Variants in COL23A1 observed in about 807,000 individuals in gnomAD.
COL23A1 encodes collagen type XXIII alpha 1 chain.
In COL23A1, 97 loss-of-function variants were observed where a neutral mutation model predicts 99.3. That is an observed-to-expected ratio of 0.98 (90% CI 0.83 to 1.16). COL23A1 has a LOEUF of 1.16. Among genes scored for constraint, COL23A1 ranks in the 50% most tolerant of loss-of-function variants. The probability of loss-of-function intolerance (pLI) is 0.00; values close to 1 mark genes in which losing one functional copy is unlikely to be tolerated. For missense variants in COL23A1, 762 were observed against 757.4 expected, an observed-to-expected ratio of 1.01 and a Z score of -0.07; for synonymous variants, 320 against 308.2, an observed-to-expected ratio of 1.04 and a Z score of -0.40.
intron 2 of COL23A1, chr5:178,352,010 G>C (rs1258849701): frequency 6.6e-6 from 1 of 152,256 alleles, no homozygotes; most frequent in Non-Finnish European, 1.5e-5. Flanking sequence ...CCAGCCTCCA[G>C]AACTTCGAGA....
intron 2 of COL23A1, chr5:178,351,287 C>G (rs1439179771): frequency 6.6e-6 from 1 of 152,524 alleles, no homozygotes; most frequent in African/African-American, 2.4e-5. Flanking sequence ...GGCTCAGCCT[C>G]CCGTGCTGGC....
At chr5:178,346,415 T>C (rs1003865389) in intron 2 of COL23A1, among the ~76,000 whole-genome samples, 1 of 152,100 alleles carries the variant, frequency 6.6e-6, no homozygotes, top group Non-Finnish European at 1.5e-5. Context: ...TTTGTATTTT[T>C]AGTACAGGTG....
intron 5 of COL23A1, among the ~76,000 whole-genome samples, chr5:178,270,622 G>A (rs1308280089): frequency 2.0e-5 from 3 of 152,198 alleles, no homozygotes; most frequent in African/African-American, 7.2e-5. Context: ...GGGTCTGGGT[G>A]GGCTGCTGGG....
intron 25 of COL23A1, among the ~76,000 whole-genome samples, chr5:178,244,043 G>T (rs753632498): frequency 6.6e-6 from 1 of 152,122 alleles, no homozygotes; most frequent in Non-Finnish European, 1.5e-5. Flanking sequence ...ACAGTGGCAC[G>T]ATCTCAGCTC....
chr5:178,245,495 A>C (rs1311089582), intron 25 of COL23A1, among the ~76,000 whole-genome samples: 1 of 142,370 alleles, frequency 7.0e-6, no homozygotes, highest in Non-Finnish European at 1.5e-5. Flanking sequence ...TTCATCATCC[A>C]CCCACCCATC....
chr5:178,511,330 T>C (rs1759192888), intron 2 of COL23A1, among the ~76,000 whole-genome samples: 1 of 152,206 alleles, frequency 6.6e-6, no homozygotes, highest in East Asian at 1.9e-4. Context: ...GGTCTCAACA[T>C]TGAGAAGTTC....
chr5:178,274,198 C>A (rs530515273), intron 5 of COL23A1, among the ~76,000 whole-genome samples: 1 of 152,352 alleles, frequency 6.6e-6, no homozygotes, highest in South Asian at 2.1e-4. Context: ...CTGCAATGGG[C>A]TCAGTGGACT....
chr5:178,374,052 T>A (rs1339702862), intron 2 of COL23A1, among the ~76,000 whole-genome samples: 1 of 152,194 alleles, frequency 6.6e-6, no homozygotes, highest in Non-Finnish European at 1.5e-5. Context: ...TATGCACCTT[T>A]GAGTCCAATT....
intron 2 of COL23A1, among the ~76,000 whole-genome samples, chr5:178,326,458 T>G (rs1399357247): frequency 6.6e-6 from 1 of 151,372 alleles, no homozygotes; most frequent in Non-Finnish European, 1.5e-5. Flanking sequence ...GGATTCTTAC[T>G]CCCAGCCCCA....
chr5:178,564,715 A>T (rs1242150257), intron 1 of COL23A1, among the ~76,000 whole-genome samples: 1 of 152,210 alleles, frequency 6.6e-6, no homozygotes, highest in African/African-American at 2.4e-5. Context: ...TTAGAAAAGC[A>T]TTCATGACAT....
chr5:178,557,546 A>G (rs1762340296), intron 2 of COL23A1, among the ~76,000 whole-genome samples: 1 of 152,192 alleles, frequency 6.6e-6, no homozygotes, highest in Admixed American at 6.5e-5. Flanking sequence ...TGGGTGGCAC[A>G]TCCAGAAGAG....
At chr5:178,462,507 C>G (rs1756176246) in intron 2 of COL23A1, among the ~76,000 whole-genome samples, 1 of 152,162 alleles carries the variant, frequency 6.6e-6, no homozygotes, top group Non-Finnish European at 1.5e-5. Flanking sequence ...GCATTTTTAA[C>G]AAAACATTAT....
intron 2 of COL23A1, among the ~76,000 whole-genome samples, chr5:178,541,822 C>T (rs1345290860): frequency 1.3e-5 from 2 of 152,134 alleles, no homozygotes; most frequent in Non-Finnish European, 2.9e-5. Context: ...TGCTGAATTG[C>T]AGACACAAGA....
intron 2 of COL23A1, among the ~76,000 whole-genome samples, chr5:178,364,993 A>G (rs557452564): frequency 6.6e-6 from 1 of 152,332 alleles, no homozygotes; most frequent in Admixed American, 6.5e-5. Context: ...ATACAGCCTG[A>G]ATTTATTAAG....
intron 2 of COL23A1, among the ~76,000 whole-genome samples, chr5:178,346,044 C>T (rs1300719318): frequency 6.6e-6 from 1 of 151,710 alleles, no homozygotes; most frequent in Non-Finnish European, 1.5e-5. Flanking sequence ...TACAAATAAA[C>T]TTGTATTAGA....
intron 2 of COL23A1, among the ~76,000 whole-genome samples, chr5:178,502,204 C>T (rs113086937): frequency 0.028 from 4,265 of 152,216 alleles, 72 homozygotes; most frequent in Non-Finnish European, 0.039. Flanking sequence ...TGATCTCGGC[C>T]CACTGCAAGC....
intron 1 of COL23A1, among the ~76,000 whole-genome samples, chr5:178,564,435 T>TA (rs1271715542): frequency 1.3e-5 from 2 of 151,376 alleles, no homozygotes; most frequent in Admixed American, 1.3e-4. Flanking sequence ...CCTAAGAAAA[T>TA]ATTCCTTTGT....
chr5:178,332,785 G>A (rs959875638), intron 2 of COL23A1, among the ~76,000 whole-genome samples: 5 of 152,146 alleles, frequency 3.3e-5, no homozygotes, highest in Middle Eastern at 3.4e-3. Flanking sequence ...AGGGACACCA[G>A]GAGTAGGGGA....
Position 178,469,358 on chromosome 5 carries a change from G to A in COL23A1, c.361+91324C>T, listed in dbSNP as rs140449920. Among the ~76,000 whole-genome samples, 989 of 152,162 alleles carry A rather than the reference G, an allele frequency of 6.5e-3. 13 individuals carry two copies. The highest frequency in any genetic ancestry group is 0.02 in the African/African-American group (843 of 41,492). ...AGCAGGCTCCTGCGGCTCCTCTCCC[G>A]TCCATCCCTCCCTGGTCCCAGCCTG... On this transcript the variant is annotated intron_variant, in intron 2 of 28. Coordinates refer to ENST00000390654, the MANE Select transcript of COL23A1 (RefSeq NM_173465.4).
Sources: gnomAD v4.1 joint callset for allele counts (sites outside exome capture counted in the v4.1 genomes callset) on GRCh38, gnomAD v4.1.1 for gene constraint, MANE v1.5 for transcripts, NCBI Gene and HGNC (gene_info 2026-07-23, HGNC 2026-07-21) for gene names.